The following CD63 variants were observed in gnomAD, a reference collection of about 807,000 sequenced individuals.
The protein encoded by CD63 is CD63 antigen.
Under a neutral mutation model 29.2 loss-of-function variants are expected in CD63, and 16 were observed. That is an observed-to-expected ratio of 0.55 (90% confidence interval 0.37 to 0.83). CD63 has a LOEUF of 0.83. CD63 is among the 40% of genes least tolerant of loss of function. The pLI is 0.00. For missense variants in CD63, 251 were observed against 297.3 expected (o/e 0.84, Z 1.15); for synonymous variants, 118 against 111.7 (o/e 1.06, Z -0.36).
chr12:55,725,874 C>T lies in CD63; in HGVS notation c.590G>A (p.Gly197Asp). Residue 197 changes from glycine (G) to aspartate (D), a missense_variant, in exon 7 of 8, where the codon GGC becomes GAC. Transcript: ENST00000257857. Reference sequence around the variant, plus strand: ...CACCAGCACATTTTTCCTCAGCCAGCCCCCAATCTTCTCCACACAGCCCTG... The same window carrying T: ...CACCAGCACATTTTTCCTCAGCCAGTCCCCAATCTTCTCCACACAGCCCTG... ...HKEGCVEKIG[G>D]WLRKNVLVVA... 1.9e-6 allele frequency: 3 copies of T among 1,614,072 alleles called. No homozygotes were observed. Among genetic ancestry groups the T allele is most frequent in the Non-Finnish European group, 2.5e-6 (3 of 1,179,994 alleles).
chr12:55,724,556 C>T (rs781275522), downstream of CD63: 6 of 1,606,186 alleles, frequency 3.7e-6, no homozygotes, highest in Non-Finnish European at 5.1e-6. Flanking sequence ...ATCCAGCCTT[C>T]CAGCAAGAGA....
chr12:55,725,843 A>G lies in CD63; in HGVS notation c.621T>C (p.Ala207=), dbSNP rs908898794. The change falls in exon 7 of 8, where the codon GCT becomes GCC. Residue 207 remains alanine, a synonymous_variant. Coordinates refer to ENST00000257857, the MANE Select transcript of CD63 (RefSeq NM_001780.6). The stretch of plus-strand genomic sequence containing the variant: ...CAAAAGCAATTCCAAGGGCTGCTGC[A>G]GCTACCACCAGCACATTTTTCCTCA... ...GWLRKNVLVV[A]AAALGIAFVE... 6.2e-7 allele frequency: 1 copy of G among 1,613,928 alleles called. No homozygotes were observed. Among genetic ancestry groups the G allele is most frequent in the Non-Finnish European group, 8.5e-7 (1 of 1,179,980 alleles).
chr12:55,728,658 C>T lies in CD63; in HGVS notation c.-12+295G>A. ...CCCGCCAGTCTCCGGGCGTCAAACA[C>T]CCTTTCCCCACCCAACACCCAGCCT... On this transcript the variant is annotated intron_variant, in intron 1 of 7. Coordinates refer to ENST00000257857, the MANE Select transcript of CD63 (RefSeq NM_001780.6). The surrounding 1 kb of genome is among the most constrained non-coding windows in gnomAD (Gnocchi z 4.8). The T allele has an allele frequency of 8.0e-7, 1 of 1,257,114 alleles. No homozygotes were observed. The highest frequency in any genetic ancestry group is 1.0e-6 in the Non-Finnish European group (1 of 994,856). 77.9% of individuals were successfully genotyped at this position (1,257,114 alleles called of 1,614,324 possible).
intron 2 of CD63, chr12:55,727,551 G>T: frequency 7.8e-7 from 1 of 1,289,338 alleles, no homozygotes; most frequent in Non-Finnish European, 9.9e-7. Context: ...CTTTAATCAG[G>T]GACATGACCA....
upstream of CD63, chr12:55,729,259 G>A (rs1877752253): frequency 1.9e-6 from 1 of 528,074 alleles, no homozygotes; most frequent in Non-Finnish European, 2.4e-6. Context: ...CGGGGCGCCT[G>A]GGGCCCCCCT....
At chr12:55,724,448 C>T (rs904803617), downstream of CD63, 3 of 1,614,002 alleles carry the variant, frequency 1.9e-6, no homozygotes, top group Admixed American at 3.3e-5. Context: ...GGTTGGGATG[C>T]CAAGCTGCTC....
intron 6 of CD63, 77 bp from the exon 7 acceptor site, chr12:55,725,973 C>T: frequency 7.9e-7 from 1 of 1,273,268 alleles, no homozygotes; most frequent in Non-Finnish European, 1.1e-6. Flanking sequence ...GTCCATCAGT[C>T]TCTTCCCTGC....
At chr12:55,724,338 G>A, downstream of CD63, 1 of 1,614,196 alleles carries the variant, frequency 6.2e-7, no homozygotes, top group Non-Finnish European at 8.5e-7. Flanking sequence ...AAATGCAACA[G>A]CGCATCATGA....
chr12:55,727,071 A>C (rs1877474150), intron 3 of CD63, 80 bp downstream of exon 3: 11 of 1,459,000 alleles, frequency 7.5e-6, no homozygotes, highest in South Asian at 4.7e-5. Context: ...TCACCCACCC[A>C]CCTCACCCAC....
At chr12:55,729,727 C>G (rs1027634484), upstream of CD63, 2 of 152,260 alleles carry the variant, frequency 1.3e-5, no homozygotes, top group Admixed American at 6.5e-5. Context: ...TCAATCAAGA[C>G]ACGTCCGCGT....
intron 2 of CD63, chr12:55,727,995 C>T (rs2136153900): frequency 9.6e-7 from 1 of 1,040,204 alleles, no homozygotes. Flanking sequence ...GGCTGGTTGC[C>T]CCACTGCCCC....
chr12:55,728,722 A>G lies in CD63; in HGVS notation c.-12+231T>C. ...TCAGCCCAACCCCGACCCCCGCCCC[A>G]GCCCCTTTCCCCTGGGCTCTGACCT... On this transcript the variant is annotated intron_variant, in intron 1 of 7. Coordinates refer to ENST00000257857, the MANE Select transcript of CD63 (RefSeq NM_001780.6). The surrounding 1 kb of genome is among the most constrained non-coding windows in gnomAD (Gnocchi z 4.8). 1 of 585,882 alleles carries G rather than the reference A, an allele frequency of 1.7e-6. No homozygotes were observed. Among genetic ancestry groups the G allele is most frequent in the Non-Finnish European group, 2.0e-6 (1 of 508,124 alleles). 36.3% of individuals were successfully genotyped at this position (585,882 alleles called of 1,614,324 possible).
chr12:55,728,336 C>T lies in CD63; in HGVS notation c.6G>A (p.Ala2=), dbSNP rs1170712988. 3 of 1,610,288 alleles carry T rather than the reference C, an allele frequency of 1.9e-6. No individual in the cohort carries two copies. Among genetic ancestry groups the T allele is most frequent in the Middle Eastern group, 1.6e-4 (1 of 6,078 alleles). Residue 2 remains alanine, a synonymous_variant, in exon 2 of 8, where the codon GCG becomes GCA. Coordinates refer to ENST00000257857, the MANE Select transcript of CD63 (RefSeq NM_001780.6). This position sits in a 1 kb window ranked among gnomAD's most constrained non-coding sequence, Gnocchi z 4.8. M[A]VEGGMKCVKF... ...TCACACATTTCATTCCTCCTTCCAC[C>T]GCCATGGCTGCCGGGCCTGGGGCAG...
At chr12:55,724,223 G>A (rs1877083817), downstream of CD63, 1 of 1,481,772 alleles carries the variant, frequency 6.7e-7, no homozygotes, top group Non-Finnish European at 9.3e-7. Context: ...ACACTGAGGA[G>A]GGGACTGAGG....
In CD63 at chr12:55,728,139, T is replaced by C; in HGVS notation, c.66+137A>G. The C allele has an allele frequency of 1.2e-6, 1 of 867,018 alleles. No individual in the cohort carries two copies. 53.7% of individuals were successfully genotyped at this position (867,018 alleles called of 1,614,324 possible). On this transcript the variant is annotated intron_variant, in intron 2 of 7. Coordinates refer to ENST00000257857, the MANE Select transcript of CD63 (RefSeq NM_001780.6). The surrounding 1 kb of genome is among the most constrained non-coding windows in gnomAD (Gnocchi z 4.8). The stretch of plus-strand genomic sequence containing the variant: ...CAGGAAAACTGGAGGAGGGAGTGGC[T>C]GCGCTGTCTTTCCCTGGCTTTCTTT...
chr12:55,725,618 T>C lies in CD63; in HGVS notation c.660A>G (p.Gly220=), dbSNP rs1877221783. 3.1e-6 allele frequency: 5 copies of C among 1,613,628 alleles called. No homozygotes were observed. In the South Asian group the frequency reaches 5.5e-5, roughly 18 times the overall value. Residue 220 remains glycine, a synonymous_variant, in exon 8 of 8, where the codon GGA becomes GGG. Transcript: ENST00000257857. ...ALGIAFVEVL[G]IVFACCLVKS... ...TCACGAGGCAGCAGGCAAAGACAAT[T>C]CCCAAAACCTAGAAGGAAAGATGGG...
In CD63 at chr12:55,725,447, C is replaced by CT. The variant is rs1245896755; in HGVS notation, c.*113dup. The CT allele has an allele frequency of 3.4e-6, 3 of 886,778 alleles. No homozygotes were observed. The highest frequency in any genetic ancestry group is 3.3e-5 in the African/African-American group (2 of 60,632). The allele number at this position is 886,778 out of a possible 1,614,324, so 54.9% of individuals were successfully genotyped here. A position where few individuals can be genotyped will look rare whatever the true frequency, so the allele number is the denominator to read the frequency against. ...GGAAAGGAAGGAATCAAGCATCACT[C>CT]TAAGACAAACTCAGACCATCTCTTT... On this transcript the variant is annotated 3_prime_UTR_variant, in exon 8 of 8. Coordinates refer to ENST00000257857, the MANE Select transcript of CD63 (RefSeq NM_001780.6).
At position 55,728,714 on chromosome 12, in the gene CD63, C is replaced by G; in HGVS notation, c.-12+239G>C. The stretch of plus-strand genomic sequence containing the variant: ...AACGGTCTTCAGCCCAACCCCGACC[C>G]CCGCCCCAGCCCCTTTCCCCTGGGC... On this transcript the variant is annotated intron_variant, in intron 1 of 7. Coordinates refer to ENST00000257857, the MANE Select transcript of CD63 (RefSeq NM_001780.6). The surrounding 1 kb of genome is among the most constrained non-coding windows in gnomAD (Gnocchi z 4.8). 9.5e-7 allele frequency: 1 copy of G among 1,056,088 alleles called. No individual in the cohort carries two copies. The highest frequency in any genetic ancestry group is 3.3e-5 in the South Asian group (1 of 30,574). The allele number at this position is 1,056,088 out of a possible 1,614,324, so 65.4% of individuals were successfully genotyped here.
At chr12:55,724,665 A>G (rs1877121350), downstream of CD63, 1 of 983,092 alleles carries the variant, frequency 1.0e-6, no homozygotes, top group Non-Finnish European at 1.6e-6. Context: ...TGTATTGTTT[A>G]AAAAATAAAA....
Sources: allele counts gnomAD v4.1 joint callset, GRCh38; gene constraint gnomAD v4.1.1; non-coding constraint Gnocchi (gnomAD v3.1); transcripts MANE v1.5; gene names NCBI Gene and HGNC (gene_info 2026-07-23, HGNC 2026-07-21).